The following CD6 variants were observed in gnomAD, a reference collection of about 807,000 sequenced individuals.
The protein encoded by CD6 is CD6 molecule.
CD6 carries 53 observed loss-of-function variants against 75.3 expected under a neutral mutation model. The ratio of observed to expected loss-of-function variants is 0.70; its 90% CI spans 0.56 to 0.88. The LOEUF (loss-of-function observed/expected upper bound fraction) is 0.88. Among genes scored for constraint, CD6 ranks in the 40% least tolerant of loss-of-function variants. CD6 has a pLI of 0.00. For synonymous variants in CD6, 359 were observed against 381.5 expected, an observed-to-expected ratio of 0.94 and a Z score of 0.69; for missense variants, 770 against 897.1, an observed-to-expected ratio of 0.86 and a Z score of 1.81.
Position 60,971,767 on chromosome 11 carries a change from A to G in CD6, c.-99A>G. On this transcript the variant is annotated 5_prime_UTR_variant, in exon 1 of 13. Coordinates refer to ENST00000313421, the MANE Select transcript of CD6 (RefSeq NM_006725.5). ...ACAAGAACAGCAAAGGGTAGAGCAG[A>G]CCTGCGCCAGGGGCGCACAACGGCC... 2 of 1,177,656 alleles carry G rather than the reference A, an allele frequency of 1.7e-6. No individual in the cohort carries two copies. Among genetic ancestry groups the G allele is most frequent in the Middle Eastern group, 3.9e-4 (2 of 5,126 alleles). The allele number at this position is 1,177,656 out of a possible 1,614,324, so 73.0% of individuals were successfully genotyped here. A position where few individuals can be genotyped will look rare whatever the true frequency, so the allele number is the denominator to read the frequency against.
In CD6 at chr11:61,017,523, AG is replaced by A; in HGVS notation, c.1557del (p.Arg519SerfsTer262). Reference protein sequence around the residue: ...RVTDEEVQQSRFQMPPLEEGL... With the variant: ...RVTDEEVQQSXFQMPPLEEGL... Reference sequence around the variant, plus strand: ...CACAGATGAGGAGGTCCAGCAAAGCAGGTTCCAGATGCCACCCTTGGAGGAA... The same window carrying A: ...CACAGATGAGGAGGTCCAGCAAAGCAGTTCCAGATGCCACCCTTGGAGGAA... On this transcript the variant is annotated frameshift_variant, in exon 10 of 13. Transcript: ENST00000313421. LOFTEE classifies it high-confidence loss of function. The A allele has an allele frequency of 1.3e-6, 2 of 1,552,420 alleles. No homozygotes were observed. Among genetic ancestry groups the A allele is most frequent in the South Asian group, 1.2e-5 (1 of 84,270 alleles).
rs777479398 is a variant in CD6, at chr11:61,018,338, C to A, written c.1887C>A (p.Tyr629Ter). ...CCAGCACCTCATCCGGGGAGTGGTACCAGAACTTCCAGCCACCACCCCAGC... is the reference window on the plus strand; with the variant it reads ...CCAGCACCTCATCCGGGGAGTGGTAACAGAACTTCCAGCCACCACCCCAGC... Reference protein sequence around the residue: ...DSSSTSSGEWYQNFQPPPQPP... With the variant: ...DSSSTSSGEW Residue 629 changes from tyrosine (Y) to a stop codon, truncating the protein, a stop_gained, in exon 12 of 13, where the codon TAC becomes TAA. Coordinates refer to ENST00000313421, the MANE Select transcript of CD6 (RefSeq NM_006725.5). LOFTEE classifies it high-confidence loss of function. The A allele has an allele frequency of 6.2e-7, 1 of 1,608,220 alleles. No homozygotes were observed. The highest frequency in any genetic ancestry group is 8.5e-7 in the Non-Finnish European group (1 of 1,177,458).
At chr11:61,014,692 G>A (rs1279408337) in intron 8 of CD6, among the ~76,000 whole-genome samples, 3 of 150,010 alleles carry the variant, frequency 2.0e-5, no homozygotes, top group Non-Finnish European at 4.4e-5. Context: ...CCGAGATCAC[G>A]CCACTGCACT....
At chr11:60,992,158 C>T (rs1052399431) in intron 1 of CD6, among the ~76,000 whole-genome samples, 4 of 151,742 alleles carry the variant, frequency 2.6e-5, no homozygotes, top group Non-Finnish European at 4.4e-5. Context: ...GGGATTACAG[C>T]GTGAGCCACA....
chr11:60,973,041 CCT>C (rs1857246304), intron 1 of CD6, among the ~76,000 whole-genome samples: 1 of 152,198 alleles, frequency 6.6e-6, no homozygotes, highest in African/African-American at 2.4e-5. Flanking sequence ...GCCTTCTGCC[CCT>C]GAGCTGAAAC....
At chr11:60,983,447 C>T (rs1344776214) in intron 1 of CD6, among the ~76,000 whole-genome samples, 2 of 152,118 alleles carry the variant, frequency 1.3e-5, no homozygotes, top group Non-Finnish European at 2.9e-5. Flanking sequence ...TGAGAAGTTG[C>T]AAGAACAATA....
Position 60,971,810 on chromosome 11 carries a change from CCA to C in CD6, c.-55_-54del. 1 of 1,592,198 alleles carries C rather than the reference CCA, an allele frequency of 6.3e-7. No homozygotes were observed. The highest frequency in any genetic ancestry group is 8.6e-7 in the Non-Finnish European group (1 of 1,164,868). On this transcript the variant is annotated 5_prime_UTR_variant, in exon 1 of 13. Transcript: ENST00000313421. ...CAACGGCCGTGTCCACCTCCCGGCC[CCA>C]AGATGGTGCTTCCCACAGGCAGCCA...
intron 6 of CD6, 87 bp from the exon 7 acceptor site, chr11:61,013,336 C>A (rs1198987184): frequency 2.8e-6 from 4 of 1,428,866 alleles, no homozygotes; most frequent in Non-Finnish European, 3.8e-6. Flanking sequence ...AAAAGGGAAG[C>A]AGGTCAGCTT....
At position 60,971,780 on chromosome 11, in the gene CD6, G is replaced by C. The variant is rs1857190893; in HGVS notation, c.-86G>C. On this transcript the variant is annotated 5_prime_UTR_variant, in exon 1 of 13. Transcript: ENST00000313421. ...AGGGTAGAGCAGACCTGCGCCAGGGGCGCACAACGGCCGTGTCCACCTCCC... is the reference window on the plus strand; with the variant it reads ...AGGGTAGAGCAGACCTGCGCCAGGGCCGCACAACGGCCGTGTCCACCTCCC... The C allele has an allele frequency of 7.4e-7, 1 of 1,351,798 alleles. No individual in the cohort carries two copies. Among genetic ancestry groups the C allele is most frequent in the South Asian group, 1.2e-5 (1 of 83,048 alleles). 83.7% of individuals were successfully genotyped at this position (1,351,798 alleles called of 1,614,324 possible). A position where few individuals can be genotyped will look rare whatever the true frequency, so the allele number is the denominator to read the frequency against.
At chr11:60,992,371 A>AGG (rs200664353) in intron 1 of CD6, among the ~76,000 whole-genome samples, 1 of 151,626 alleles carries the variant, frequency 6.6e-6, no homozygotes, top group African/African-American at 2.4e-5. Context: ...GAGGGAGGCA[A>AGG]GGGGGGCATG....
Position 61,007,829 on chromosome 11 carries a change from A to T in CD6, c.388A>T (p.Ser130Cys), listed in dbSNP as rs902807224. Residue 130 changes from serine (S) to cysteine (C), a missense_variant, in exon 3 of 13, where the codon AGC becomes TGC. By Grantham distance (112) the Ser-to-Cys change is moderately radical. Coordinates refer to ENST00000313421, the MANE Select transcript of CD6 (RefSeq NM_006725.5). This position sits in a 1 kb window ranked among gnomAD's most constrained non-coding sequence, Gnocchi z 4.2. ...TLAGAPALLC[S>C]GAEWRLCEVV... ...GGCCGGGGCGCCCGCCCTCCTGTGC[A>T]GCGGCGCCGAGTGGCGGCTCTGCGA... is the stretch of plus-strand genomic sequence containing the variant. 2.1e-5 allele frequency: 31 copies of T among 1,444,462 alleles called. No individual in the cohort carries two copies. Among genetic ancestry groups the T allele is most frequent in the Non-Finnish European group, 2.8e-5 (31 of 1,104,184 alleles). 89.5% of individuals were successfully genotyped at this position (1,444,462 alleles called of 1,614,324 possible).
At chr11:61,017,351 T>G (rs1859448973) in intron 9 of CD6, 128 bp from the exon 10 acceptor site, 2 of 687,340 alleles carry the variant, frequency 2.9e-6, no homozygotes, top group Non-Finnish European at 5.2e-6. Flanking sequence ...CTAAGCCCTC[T>G]CTGCCTCCGG....
chr11:60,979,103 A>T (rs1206207689), intron 1 of CD6, among the ~76,000 whole-genome samples: 1 of 152,242 alleles, frequency 6.6e-6, no homozygotes, highest in Non-Finnish European at 1.5e-5. Context: ...TGGGTCTCCC[A>T]GCCAGCAGGC....
chr11:61,009,897 C>G, intron 5 of CD6, 23 bp downstream of exon 5: 2 of 1,521,244 alleles, frequency 1.3e-6, no homozygotes, highest in Non-Finnish European at 1.8e-6. Flanking sequence ...ACTCCACCCC[C>G]CCAGATTTGA....
chr11:61,014,358 TC>T (rs1215877950), intron 8 of CD6, among the ~76,000 whole-genome samples: 2 of 152,262 alleles, frequency 1.3e-5, no homozygotes, highest in African/African-American at 2.4e-5. Flanking sequence ...CCTATCAATG[TC>T]CTGCCCAATT....
At chr11:61,018,218 G>A in intron 11 of CD6, 71 bp from the exon 12 acceptor site, 3 of 1,384,488 alleles carry the variant, frequency 2.2e-6, no homozygotes, top group African/African-American at 1.4e-5. Context: ...AGTCACGTGG[G>A]CCCCCCAGCT....
rs1404329733 is a variant in CD6 at position 61,007,721 on chromosome 11, G to A, written c.280G>A (p.Ala94Thr). ...ACTGGGCTGCGGCGGGGCGGAGGCC[G>A]CCTCTCAGCTCGCCCCGCCGACCCC... ...RALGCGGAEA[A>T]SQLAPPTPEL... Residue 94 changes from alanine (A) to threonine (T), a missense_variant, in exon 3 of 13, where the codon GCC (alanine) becomes ACC (threonine). Physicochemically the swap from Ala to Thr is moderately conservative, Grantham distance 58. Transcript: ENST00000313421. This position sits in a 1 kb window ranked among gnomAD's most constrained non-coding sequence, Gnocchi z 4.2. The A allele has an allele frequency of 1.4e-6, 2 of 1,392,754 alleles. No homozygotes were observed. The highest frequency in any genetic ancestry group is 3.0e-5 in the African/African-American group (2 of 65,898). 86.3% of individuals were successfully genotyped at this position (1,392,754 alleles called of 1,614,324 possible). A position where few individuals can be genotyped will look rare whatever the true frequency, so the allele number is the denominator to read the frequency against.
Position 61,007,931 on chromosome 11 carries a change from C to A in CD6, c.469+21C>A. The A allele has an allele frequency of 7.7e-7, 1 of 1,292,768 alleles. No homozygotes were observed. 80.1% of individuals were successfully genotyped at this position (1,292,768 alleles called of 1,614,324 possible). On this transcript the variant is annotated intron_variant, in intron 3 of 12. Transcript: ENST00000313421. This position sits in a 1 kb window ranked among gnomAD's most constrained non-coding sequence, Gnocchi z 4.2. ...TGCAGGTACGAGCGCACCCCCTACA[C>A]GGGCCCCCACCTGCCCCACTCCCCA...
chr11:60,995,460 T>A (rs1269447629), intron 1 of CD6, among the ~76,000 whole-genome samples: 1 of 152,212 alleles, frequency 6.6e-6, no homozygotes, highest in African/African-American at 2.4e-5. Context: ...CTTTCTAATT[T>A]TAATGGAATT....
Sources: allele counts gnomAD v4.1 joint callset (sites outside exome capture counted in the v4.1 genomes callset), GRCh38; gene constraint gnomAD v4.1.1; non-coding constraint Gnocchi (gnomAD v3.1); transcripts MANE v1.5; gene names NCBI Gene and HGNC (gene_info 2026-07-23, HGNC 2026-07-21).